PTPRN: variants seen among roughly 807,000 people sequenced by gnomAD.
PTPRN encodes the protein receptor-type tyrosine-protein phosphatase-like N.
In PTPRN, 70 loss-of-function variants were observed where a neutral mutation model predicts 108.5. That is an observed-to-expected ratio of 0.65 (90% confidence interval 0.53 to 0.79). The LOEUF (loss-of-function observed/expected upper bound fraction) is 0.79. Among genes scored for constraint, PTPRN ranks in the 30% least tolerant of loss-of-function variants. PTPRN has a pLI of 0.00. For synonymous variants in PTPRN, 496 were observed against 524.6 expected, an observed-to-expected ratio of 0.95 and a Z score of 0.75; for missense variants, 1,136 against 1,295.5, an observed-to-expected ratio of 0.88 and a Z score of 1.89.
chr2:219,290,455 A>T lies in PTPRN; in HGVS notation c.2868+83T>A. On this transcript the variant is annotated intron_variant, in intron 22 of 22. Coordinates refer to ENST00000295718, the MANE Select transcript of PTPRN (RefSeq NM_002846.4). The surrounding 1 kb of genome is among the most constrained non-coding windows in gnomAD (Gnocchi z 4.2). ...GCAGAAGCAGGTGGGAAAGGTTGGC[A>T]GCTGCTGCTTTCCCTGGGGTGGCCA... The T allele has an allele frequency of 7.0e-7, 1 of 1,436,504 alleles. No homozygotes were observed. The highest frequency in any genetic ancestry group is 9.6e-7 in the Non-Finnish European group (1 of 1,045,254). The allele number at this position is 1,436,504 out of a possible 1,614,324, so 89.0% of individuals were successfully genotyped here.
chr2:219,300,446 T>C, intron 8 of PTPRN, 187 bp from the exon 9 acceptor site: 2 of 569,134 alleles, frequency 3.5e-6, no homozygotes, highest in Non-Finnish European at 5.9e-6. Context: ...CATGAATGAA[T>C]AAAGGATTGA....
chr2:219,304,617 G>T (rs1369691517), intron 3 of PTPRN, among the ~76,000 whole-genome samples: 1 of 151,982 alleles, frequency 6.6e-6, no homozygotes, highest in Non-Finnish European at 1.5e-5. Context: ...CTTGTATTCT[G>T]GTATCTACCA....
In PTPRN at chr2:219,296,431, G is replaced by C. The variant is rs1188470559; in HGVS notation, c.2388+8C>G. ...GACCCCAGCGAAGCCCTCCCTTTAA[G>C]AGCCCACCTGCCAGAAGTCTGCGAT... On this transcript the variant is annotated splice_region_variant and intron_variant, in intron 17 of 22. Coordinates refer to ENST00000295718, the MANE Select transcript of PTPRN (RefSeq NM_002846.4). The surrounding 1 kb of genome is among the most constrained non-coding windows in gnomAD (Gnocchi z 6.0). The C allele has an allele frequency of 1.5e-5, 25 of 1,614,032 alleles. No homozygotes were observed. Among genetic ancestry groups the C allele is most frequent in the Non-Finnish European group, 2.0e-5 (24 of 1,180,024 alleles).
intron 3 of PTPRN, among the ~76,000 whole-genome samples, chr2:219,306,855 AC>A (rs1281890813): frequency 6.6e-6 from 1 of 152,166 alleles, no homozygotes; most frequent in Non-Finnish European, 1.5e-5. Context: ...GTCCACCTTA[AC>A]CACCTGATTT....
chr2:219,293,966 G>T (rs1397569411), intron 19 of PTPRN: 1 of 434,848 alleles, frequency 2.3e-6, no homozygotes, highest in Non-Finnish European at 4.7e-6. Context: ...GGTAGCCCCT[G>T]TCTAGTCCCC....
chr2:219,293,244 G>A (rs965917162), intron 19 of PTPRN, among the ~76,000 whole-genome samples: 3 of 152,064 alleles, frequency 2.0e-5, no homozygotes, highest in Non-Finnish European at 2.9e-5. Flanking sequence ...ACAGTGGCAC[G>A]GTCTCGTCTC....
chr2:219,291,814 AAGAAAAACCTCCTT>A lies in PTPRN; in HGVS notation c.2676-305_2676-292del, dbSNP rs1952061114. On this transcript the variant is annotated intron_variant, in intron 19 of 22. Coordinates refer to ENST00000295718, the MANE Select transcript of PTPRN (RefSeq NM_002846.4). ...TCTTACCTGTAAAATGGAGGATAGT[AAGAAAAACCTCCTT>A]AGGGTTCTTACAATGATCACATGAG... is the stretch of plus-strand genomic sequence containing the variant. The A allele has an allele frequency of 7.9e-6, 4 of 505,242 alleles. No individual in the cohort carries two copies. The Admixed American group carries it at 1.4e-4, about 17-fold the overall frequency. The allele number at this position is 505,242 out of a possible 1,614,324, so 31.3% of individuals were successfully genotyped here.
At chr2:219,291,904 A>G (rs1952062769) in intron 19 of PTPRN, 2 of 279,080 alleles carry the variant, frequency 7.2e-6, no homozygotes, top group Non-Finnish European at 1.4e-5. Context: ...ATAGGTGCTC[A>G]ATACATGGTA....
rs756318415 is a variant in PTPRN, at chr2:219,300,107, G to C, written c.1314C>G (p.Pro438=). 3 of 1,614,186 alleles carry C rather than the reference G, an allele frequency of 1.9e-6. No individual in the cohort carries two copies. Among genetic ancestry groups the C allele is most frequent in the East Asian group, 4.5e-5 (2 of 44,884 alleles). ...TCTCTAGCAGGACAGGTGTCACAGG[G>C]GGTCTGGCAGCTTTGGGAGGCTCAG... ...VSSEPPKAAR[P]PVTPVLLEKK... is the part of the protein sequence containing the mutation. Residue 438 remains proline (P), a synonymous_variant, in exon 9 of 23, where the codon CCC becomes CCG. Transcript: ENST00000295718.
intron 3 of PTPRN, among the ~76,000 whole-genome samples, chr2:219,304,330 A>G (rs1340101576): frequency 1.3e-5 from 2 of 152,176 alleles, no homozygotes; most frequent in Non-Finnish European, 2.9e-5. Flanking sequence ...TGTTGTGAAG[A>G]TCAAGTGTGA....
In PTPRN at chr2:219,297,005, C is replaced by T. The variant is rs369186246; in HGVS notation, c.2216G>A (p.Arg739Gln). 3.1e-5 allele frequency: 50 copies of T among 1,613,700 alleles called. No individual in the cohort carries two copies. The highest frequency in any genetic ancestry group is 4.2e-5 in the Non-Finnish European group (49 of 1,179,980). ...CTCACAGGGCAGGAAGTCAGGATGC[C>T]GGTTCTTTTTGATGTTGCCCTCCCC... ...AQGEGNIKKN[R>Q]HPDFLPYDHA... The change falls in exon 15 of 23, where the codon CGG becomes CAG. Residue 739 changes from arginine (R) to glutamine (Q), a missense_variant. Physicochemically the swap from Arg to Gln is conservative, Grantham distance 43 (BLOSUM62 1). Transcript: ENST00000295718. The surrounding 1 kb of genome is among the most constrained non-coding windows in gnomAD (Gnocchi z 6.0).
chr2:219,298,150 T>G (rs1952249531), intron 12 of PTPRN, 47 bp from the exon 13 acceptor site: 1 of 1,577,022 alleles, frequency 6.3e-7, no homozygotes, highest in Admixed American at 1.7e-5. Context: ...CATAGGGAGG[T>G]TTCAGAGCTG....
At chr2:219,302,545 G>A (rs760285069) in intron 5 of PTPRN, 31 bp downstream of exon 5, 16 of 1,612,686 alleles carry the variant, frequency 9.9e-6, no homozygotes, top group Middle Eastern at 1.6e-4. Flanking sequence ...GAGGGACTGC[G>A]GTTGGGGTGG....
intron 20 of PTPRN, 29 bp downstream of exon 20, chr2:219,291,441 C>A (rs764648551): frequency 6.2e-7 from 1 of 1,609,212 alleles, no homozygotes; most frequent in South Asian, 1.1e-5. Context: ...GGGAGTGGGA[C>A]CAGAGAGATG....
chr2:219,294,892 CGGG>C, intron 19 of PTPRN, 80 bp downstream of exon 19: 2 of 1,329,416 alleles, frequency 1.5e-6, no homozygotes, highest in Non-Finnish European at 2.0e-6. Context: ...AGGCCCGACC[CGGG>C]GCTCCAGGCC....
rs2125095719 is a variant in PTPRN, at chr2:219,302,308, C to T, written c.823G>A (p.Asp275Asn). The T allele has an allele frequency of 6.2e-7, 1 of 1,614,048 alleles. No homozygotes were observed. Among genetic ancestry groups the T allele is most frequent in the East Asian group, 2.2e-5 (1 of 44,866 alleles). Residue 275 changes from aspartate to asparagine, a missense_variant, in exon 6 of 23, where the codon GAC becomes AAC. By Grantham distance (23) the Asp-to-Asn change is conservative (BLOSUM62 1). Transcript: ENST00000295718. ...PGPSPAQLFQ[D>N]SGLLYLAQEL... is the part of the protein sequence containing the mutation. Reference sequence around the variant, plus strand: ...TGGGCCAGATAGAGCAGCCCAGAGTCTTGAAAAAGCTGGGCAGGTGAAGGC... The same window carrying T: ...TGGGCCAGATAGAGCAGCCCAGAGTTTTGAAAAAGCTGGGCAGGTGAAGGC...
chr2:219,303,973 G>T, intron 3 of PTPRN, 142 bp from the exon 4 acceptor site: 1 of 578,058 alleles, frequency 1.7e-6, no homozygotes, highest in Non-Finnish European at 2.9e-6. Context: ...TGGGTGATCT[G>T]AGCTGTCTTC....
At chr2:219,299,428 G>T (rs1403031619) in intron 10 of PTPRN, 44 bp from the exon 11 acceptor site, 4 of 1,588,380 alleles carry the variant, frequency 2.5e-6, no homozygotes, top group Non-Finnish European at 3.5e-6. Flanking sequence ...ACCCCAGACC[G>T]CAGACTTCAA....
In PTPRN at chr2:219,303,603, C is replaced by A. The variant is rs559052509; in HGVS notation, c.377+132G>T. The A allele has an allele frequency of 7.5e-5, 60 of 803,320 alleles. No homozygotes were observed. The African/African-American group carries it at 9.3e-4, about 12-fold the overall frequency. The allele number at this position is 803,320 out of a possible 1,614,324, so 49.8% of individuals were successfully genotyped here. Reference sequence around the variant, plus strand: ...GTGAGCATGTCAGAGAGTGACCATTCCTGCACCTCTTTACCTGTGCCCCAG... The same window carrying A: ...GTGAGCATGTCAGAGAGTGACCATTACTGCACCTCTTTACCTGTGCCCCAG... On this transcript the variant is annotated intron_variant, in intron 4 of 22. Transcript: ENST00000295718.
Sources: allele counts gnomAD v4.1 joint callset (sites outside exome capture counted in the v4.1 genomes callset), GRCh38; gene constraint gnomAD v4.1.1; non-coding constraint Gnocchi (gnomAD v3.1); transcripts MANE v1.5; gene names NCBI Gene and HGNC (gene_info 2026-07-23, HGNC 2026-07-21).